Variants in MACROD2 observed in about 807,000 individuals in gnomAD.
MACROD2 encodes ADP-ribose glycohydrolase MACROD2.
In MACROD2, 36 loss-of-function variants were observed where a neutral mutation model predicts 70.4. The observed-to-expected ratio is 0.51, with a 90% CI of 0.39 to 0.68. MACROD2 has a LOEUF of 0.68. MACROD2 is among the 30% of genes least tolerant of loss of function. The probability of loss-of-function intolerance (pLI) is 0.00; values close to 1 mark genes in which losing one functional copy is unlikely to be tolerated. For missense variants in MACROD2, 496 were observed against 538.4 expected (o/e 0.92, Z 0.78); for synonymous variants, 172 against 178.8 (o/e 0.96, Z 0.30).
intron 7 of MACROD2, among the ~76,000 whole-genome samples, chr20:15,459,276 A>T (rs2046775964): frequency 6.6e-6 from 1 of 152,150 alleles, no homozygotes; most frequent in East Asian, 1.9e-4. Context: ...TATTCGCCCA[A>T]GTCTCTCCTA....
intron 6 of MACROD2, among the ~76,000 whole-genome samples, chr20:15,266,874 A>C (rs1349431421): frequency 6.6e-6 from 1 of 152,228 alleles, no homozygotes; most frequent in Non-Finnish European, 1.5e-5. Flanking sequence ...GTTTCTATGC[A>C]AGACATTCAT....
At chr20:15,660,552 A>G (rs1183254753) in intron 8 of MACROD2, among the ~76,000 whole-genome samples, 1 of 152,170 alleles carries the variant, frequency 6.6e-6, no homozygotes, top group African/African-American at 2.4e-5. Context: ...CAGGCTTTTA[A>G]TTTCCTCGGA....
At position 14,067,729 on chromosome 20, in the gene MACROD2, T is replaced by C. The variant is rs537208943; in HGVS notation, c.164-17892T>C. Reference sequence around the variant, plus strand: ...CCAAACAGCTTCACACATAGTCTCATTAAAATAAAAAATCCTGGGAGAGTG... The same window carrying C: ...CCAAACAGCTTCACACATAGTCTCACTAAAATAAAAAATCCTGGGAGAGTG... On this transcript the variant is annotated intron_variant, in intron 2 of 17. Coordinates refer to ENST00000684519, the MANE Select transcript of MACROD2 (RefSeq NM_001351661.2). Among the ~76,000 whole-genome samples the C allele has an allele frequency of 2.8e-4, 42 of 152,262 alleles. No individual in the cohort carries two copies. The South Asian group carries it at 6.8e-3, about 25-fold the overall frequency.
At chr20:15,331,038 C>T (rs10485524) in intron 6 of MACROD2, among the ~76,000 whole-genome samples, 3 of 150,638 alleles carry the variant, frequency 2.0e-5, no homozygotes, top group East Asian at 2.0e-4. Flanking sequence ...AAGAGAAAAT[C>T]GTGACATCTT....
At chr20:15,502,422 C>G (rs192695167) in intron 8 of MACROD2, among the ~76,000 whole-genome samples, 1 of 152,248 alleles carries the variant, frequency 6.6e-6, no homozygotes, top group Non-Finnish European at 1.5e-5. Context: ...GAGAAATAGA[C>G]AGAGTCAGAT....
Position 15,541,445 on chromosome 20 carries a change from C to A in MACROD2, c.645+41598C>A, listed in dbSNP as rs111595515. Among the ~76,000 whole-genome samples, 186 of 152,166 alleles carry A rather than the reference C, an allele frequency of 1.2e-3. 1 individual carries two copies. The highest frequency in any genetic ancestry group is 4.1e-3 in the African/African-American group (171 of 41,526). ...AGATGAATTTCAACAGCTTGGTATT[C>A]GTGTGATGAGTTGTGATTAACAGGC... On this transcript the variant is annotated intron_variant, in intron 8 of 17. Coordinates refer to ENST00000684519, the MANE Select transcript of MACROD2 (RefSeq NM_001351661.2).
At chr20:15,032,380 G>A (rs1224096792) in intron 5 of MACROD2, among the ~76,000 whole-genome samples, 4 of 152,214 alleles carry the variant, frequency 2.6e-5, no homozygotes, top group Non-Finnish European at 4.4e-5. Context: ...ACCTGGCGTC[G>A]TCTTTGCAGC....
chr20:15,308,243 A>G (rs1424594859), intron 6 of MACROD2, among the ~76,000 whole-genome samples: 1 of 152,186 alleles, frequency 6.6e-6, no homozygotes, highest in Non-Finnish European at 1.5e-5. Context: ...AGTTTTAGCA[A>G]CAATTGATGA....
intron 4 of MACROD2, among the ~76,000 whole-genome samples, chr20:14,644,888 A>G (rs1985298932): frequency 6.6e-6 from 1 of 152,146 alleles, no homozygotes; most frequent in African/African-American, 2.4e-5. Flanking sequence ...AAATTGGGAC[A>G]GGTGAGAGGC....
chr20:15,571,452 G>T (rs1007276275), intron 8 of MACROD2, among the ~76,000 whole-genome samples: 1 of 149,694 alleles, frequency 6.7e-6, no homozygotes, highest in Non-Finnish European at 1.5e-5. Context: ...ATGTTACTTT[G>T]TTAGGAAAAT....
chr20:14,117,872 A>G (rs750897320), intron 3 of MACROD2, among the ~76,000 whole-genome samples: 11 of 152,178 alleles, frequency 7.2e-5, no homozygotes, highest in African/African-American at 2.6e-4. Flanking sequence ...TACTTCCCCC[A>G]CCAGGATACA....
intron 6 of MACROD2, among the ~76,000 whole-genome samples, chr20:15,237,345 T>A (rs1043302282): frequency 6.6e-6 from 1 of 152,164 alleles, no homozygotes; most frequent in African/African-American, 2.4e-5. Context: ...GAGTCCACAT[T>A]TAGAGAATTT....
chr20:15,928,582 G>T (rs185983898), intron 10 of MACROD2, among the ~76,000 whole-genome samples: 2 of 152,310 alleles, frequency 1.3e-5, no homozygotes, highest in East Asian at 3.9e-4. Context: ...ATCTTAACAC[G>T]CCTGTGTCTC....
In MACROD2 at chr20:15,540,812, C is replaced by T. The variant is rs533508983; in HGVS notation, c.645+40965C>T. Among the ~76,000 whole-genome samples the T allele has an allele frequency of 2.0e-4, 30 of 151,826 alleles. No homozygotes were observed. The South Asian group carries it at 5.3e-3, about 27-fold the overall frequency. On this transcript the variant is annotated intron_variant, in intron 8 of 17. Transcript: ENST00000684519. ...GCAGTTTGTTGACAGTCTTTCATAT[C>T]CCTTCGTTCTAGAAGCATCAGCCCA... is the stretch of plus-strand genomic sequence containing the variant.
At chr20:14,334,621 C>A (rs1426371514) in intron 3 of MACROD2, among the ~76,000 whole-genome samples, 1 of 125,480 alleles carries the variant, frequency 8.0e-6, no homozygotes, top group Non-Finnish European at 1.6e-5. Context: ...CAAAGCCTCC[C>A]GTTGAGAAGA....
At chr20:14,838,069 G>C (rs1045882413) in intron 5 of MACROD2, among the ~76,000 whole-genome samples, 1 of 151,892 alleles carries the variant, frequency 6.6e-6, no homozygotes. Flanking sequence ...AAGGAGAATT[G>C]TTCAAAGCTT....
chr20:14,873,113 C>A (rs1315448941), intron 5 of MACROD2, among the ~76,000 whole-genome samples: 2 of 152,090 alleles, frequency 1.3e-5, no homozygotes, highest in African/African-American at 4.8e-5. Context: ...CTGACAATAT[C>A]ACAAAAACTC....
At chr20:14,526,075 T>C (rs2085227706) in intron 4 of MACROD2, among the ~76,000 whole-genome samples, 4 of 152,326 alleles carry the variant, frequency 2.6e-5, no homozygotes, top group Non-Finnish European at 5.9e-5. Flanking sequence ...TAAAATATCT[T>C]GCATGGCCCA....
intron 12 of MACROD2, 93 bp downstream of exon 12, chr20:15,937,637 T>C (rs2147331550): frequency 8.7e-7 from 1 of 1,152,582 alleles, no homozygotes. Context: ...GCAAGTCAAA[T>C]ATAACTAGGT....
Sources: gnomAD v4.1 joint callset for allele counts (sites outside exome capture counted in the v4.1 genomes callset) on GRCh38, gnomAD v4.1.1 for gene constraint, MANE v1.5 for transcripts, NCBI Gene and HGNC (gene_info 2026-07-23, HGNC 2026-07-21) for gene names.